The following GPC6 variants were observed in gnomAD, a reference collection of about 807,000 sequenced individuals.
The protein encoded by GPC6 is glypican 6.
Under a neutral mutation model 55.2 loss-of-function variants are expected in GPC6, and 14 were observed. That is an observed-to-expected ratio of 0.25 (90% confidence interval 0.17 to 0.40). GPC6 has a LOEUF of 0.40. Among genes scored for constraint, GPC6 ranks in the 10% least tolerant of loss-of-function variants. The pLI is 1.00. For missense variants in GPC6, 641 were observed against 708.5 expected (o/e 0.90, Z 1.08); for synonymous variants, 278 against 259.6 (o/e 1.07, Z -0.68).
Position 94,378,660 on chromosome 13 carries a change from T to C in GPC6, c.1153-3754T>C, listed in dbSNP as rs1401315004. Among the ~76,000 whole-genome samples, 11 of 152,324 alleles carry C rather than the reference T, an allele frequency of 7.2e-5. No individual in the cohort carries two copies. The East Asian group carries it at 2.1e-3, about 29-fold the overall frequency. ...TAAAAGAGGGCTCATGTTTTTCCTA[T>C]GGACCCCAACAGTATATGTTTGGAT... is the stretch of plus-strand genomic sequence containing the variant. On this transcript the variant is annotated intron_variant, in intron 6 of 8. Transcript: ENST00000377047.
intron 4 of GPC6, among the ~76,000 whole-genome samples, chr13:94,128,248 G>C (rs1404996532): frequency 6.6e-6 from 1 of 152,052 alleles, no homozygotes; most frequent in Non-Finnish European, 1.5e-5. Flanking sequence ...CTTAGATGAT[G>C]GTCTGTAAAG....
intron 4 of GPC6, among the ~76,000 whole-genome samples, chr13:94,083,839 A>C (rs543792652): frequency 3.7e-4 from 56 of 152,354 alleles, no homozygotes; most frequent in African/African-American, 1.3e-3. Flanking sequence ...TTTTCTGATA[A>C]AACACAGGAC....
intron 6 of GPC6, among the ~76,000 whole-genome samples, chr13:94,366,907 A>G (rs1161607877): frequency 6.6e-6 from 1 of 152,354 alleles, no homozygotes; most frequent in Non-Finnish European, 1.5e-5. Context: ...GAGCTTGCAA[A>G]GGAACAAAGC....
At chr13:94,196,303 G>A (rs757218301) in intron 4 of GPC6, among the ~76,000 whole-genome samples, 1 of 151,030 alleles carries the variant, frequency 6.6e-6, no homozygotes, top group Non-Finnish European at 1.5e-5. Flanking sequence ...AAAAAATCAA[G>A]CTGTACATTT....
At chr13:93,697,075 T>C (rs1048729410) in intron 2 of GPC6, among the ~76,000 whole-genome samples, 1 of 152,168 alleles carries the variant, frequency 6.6e-6, no homozygotes, top group Non-Finnish European at 1.5e-5. Context: ...ATAGGATTGC[T>C]TGATGAAATC....
At chr13:93,608,488 GT>G (rs1387710150) in intron 2 of GPC6, among the ~76,000 whole-genome samples, 9 of 152,134 alleles carry the variant, frequency 5.9e-5, no homozygotes, top group Admixed American at 2.0e-4. Flanking sequence ...TAAGCAATGT[GT>G]TTCTTACATT....
intron 2 of GPC6, among the ~76,000 whole-genome samples, chr13:93,638,357 G>A (rs919347785): frequency 2.0e-5 from 3 of 152,036 alleles, no homozygotes; most frequent in Admixed American, 1.3e-4. Context: ...CAAAGATATA[G>A]ACAATAGACT....
intron 2 of GPC6, among the ~76,000 whole-genome samples, chr13:93,692,381 G>T (rs1199856792): frequency 6.6e-6 from 1 of 152,068 alleles, no homozygotes; most frequent in Non-Finnish European, 1.5e-5. Context: ...TACAATGTTT[G>T]AAGAAAAGTA....
At chr13:94,172,644 A>G (rs1181640340) in intron 4 of GPC6, among the ~76,000 whole-genome samples, 2 of 152,214 alleles carry the variant, frequency 1.3e-5, no homozygotes, top group Non-Finnish European at 2.9e-5. Context: ...CAAAACAGAA[A>G]ATATTGCTCT....
At chr13:93,973,589 A>G (rs1178998387) in intron 3 of GPC6, among the ~76,000 whole-genome samples, 2 of 152,204 alleles carry the variant, frequency 1.3e-5, no homozygotes, top group South Asian at 2.1e-4. Flanking sequence ...TGGTGAGACA[A>G]CAAAGCATAG....
At chr13:93,488,239 G>C (rs572581014) in intron 1 of GPC6, among the ~76,000 whole-genome samples, 6 of 152,116 alleles carry the variant, frequency 3.9e-5, no homozygotes, top group Admixed American at 3.3e-4. Flanking sequence ...TTGTCCTTGC[G>C]ATAGTTTGCT....
chr13:93,701,721 G>C (rs1042548265), intron 2 of GPC6, among the ~76,000 whole-genome samples: 1 of 152,000 alleles, frequency 6.6e-6, no homozygotes, highest in Non-Finnish European at 1.5e-5. Flanking sequence ...CATCTCAACA[G>C]TGTTCACAGC....
chr13:93,962,867 G>A (rs912815982), intron 3 of GPC6, among the ~76,000 whole-genome samples: 2 of 152,108 alleles, frequency 1.3e-5, no homozygotes, highest in Non-Finnish European at 2.9e-5. Flanking sequence ...GGATTGAGTG[G>A]AATATTTCAC....
intron 3 of GPC6, among the ~76,000 whole-genome samples, chr13:93,992,183 A>G (rs1594648728): frequency 6.6e-6 from 1 of 151,378 alleles, no homozygotes; most frequent in Non-Finnish European, 1.5e-5. Flanking sequence ...GTGTGTATAT[A>G]TATATATATA....
rs116696362 is a variant in GPC6, at chr13:94,388,960, T to C, written c.1289+6410T>C. On this transcript the variant is annotated intron_variant, in intron 7 of 8. Transcript: ENST00000377047. Reference sequence around the variant, plus strand: ...ACATCCTACTTATCAGAAGAGCTAATACAGGATTTTTCTTAGAGTTCATGG... The same window carrying C: ...ACATCCTACTTATCAGAAGAGCTAACACAGGATTTTTCTTAGAGTTCATGG... 8.9e-3 allele frequency among the ~76,000 whole-genome samples: 1,353 copies of C among 152,288 alleles called. 20 individuals are homozygous for C. Among genetic ancestry groups the C allele is most frequent in the African/African-American group, 0.031 (1,275 of 41,568 alleles).
At chr13:93,466,712 T>A (rs1878916594) in intron 1 of GPC6, among the ~76,000 whole-genome samples, 1 of 152,150 alleles carries the variant, frequency 6.6e-6, no homozygotes, top group Admixed American at 6.5e-5. Context: ...AGTATATAAT[T>A]TGGCATGTGT....
chr13:94,041,517 T>A, intron 4 of GPC6, among the ~76,000 whole-genome samples: 1 of 151,838 alleles, frequency 6.6e-6, no homozygotes, highest in South Asian at 2.1e-4. Flanking sequence ...TTTTTATGCT[T>A]CCAGAAATAA....
At chr13:93,861,466 C>A (rs890565344) in intron 3 of GPC6, among the ~76,000 whole-genome samples, 57 of 149,828 alleles carry the variant, frequency 3.8e-4, no homozygotes, top group Non-Finnish European at 7.4e-5. Context: ...ATATTATAAA[C>A]CCTGATTTTA....
intron 1 of GPC6, among the ~76,000 whole-genome samples, chr13:93,318,978 T>C (rs961752975): frequency 6.6e-6 from 1 of 152,096 alleles, no homozygotes; most frequent in Non-Finnish European, 1.5e-5. Context: ...CTTAGAGAGG[T>C]TGCATACATT....
Sources: gnomAD v4.1 joint callset for allele counts (sites outside exome capture counted in the v4.1 genomes callset) on GRCh38, gnomAD v4.1.1 for gene constraint, MANE v1.5 for transcripts, NCBI Gene and HGNC (gene_info 2026-07-23, HGNC 2026-07-21) for gene names.